The following FRMPD2 variants were observed in gnomAD, a reference collection of about 807,000 sequenced individuals.
FRMPD2 encodes the protein FERM and PDZ domain containing 2.
FRMPD2 carries 96 observed loss-of-function variants against 140.1 expected under a neutral mutation model. That is an observed-to-expected ratio of 0.69 (90% CI 0.58 to 0.81). The LOEUF (loss-of-function observed/expected upper bound fraction) is 0.81, where lower values mean the gene tolerates loss of function less well. FRMPD2 is among the 40% of genes least tolerant of loss of function. FRMPD2 has a pLI of 0.00. For missense variants in FRMPD2, 1,240 were observed against 1,447.4 expected, an observed-to-expected ratio of 0.86 and a Z score of 2.32; for synonymous variants, 449 against 547.6, an observed-to-expected ratio of 0.82 and a Z score of 2.52.
chr10:48,189,595 C>T (rs1359432430), intron 16 of FRMPD2, among the ~76,000 whole-genome samples: 1 of 152,246 alleles, frequency 6.6e-6, no homozygotes. Context: ...CCTGTGAGCT[C>T]ATGAGGTGGG....
intron 12 of FRMPD2, among the ~76,000 whole-genome samples, chr10:48,217,235 C>A (rs376511390): frequency 4.0e-4 from 61 of 152,188 alleles, no homozygotes; most frequent in African/African-American, 1.3e-3. Context: ...AAACTCCCTG[C>A]GCTTCAAGTA....
chr10:48,182,490 T>A (rs781168690), intron 20 of FRMPD2, among the ~76,000 whole-genome samples: 3 of 152,226 alleles, frequency 2.0e-5, no homozygotes, highest in Non-Finnish European at 4.4e-5. Flanking sequence ...CTAGCCCAGC[T>A]GCCTTAACAG....
intron 14 of FRMPD2, among the ~76,000 whole-genome samples, chr10:48,205,756 A>G (rs1423597119): frequency 6.6e-6 from 1 of 152,200 alleles, no homozygotes; most frequent in Non-Finnish European, 1.5e-5. Flanking sequence ...CTCAATTATT[A>G]TTTATTTTTA....
chr10:48,199,277 A>G (rs1212567858), intron 15 of FRMPD2, among the ~76,000 whole-genome samples: 1 of 151,890 alleles, frequency 6.6e-6, no homozygotes, highest in Non-Finnish European at 1.5e-5. Context: ...TTCAGGCAAA[A>G]AAAAAAAAAA....
intron 4 of FRMPD2, among the ~76,000 whole-genome samples, chr10:48,244,107 C>T (rs1840188660): frequency 6.6e-6 from 1 of 152,324 alleles, no homozygotes; most frequent in South Asian, 2.1e-4. Flanking sequence ...GCCTCAGCCT[C>T]CCAAGTAGCT....
At chr10:48,201,498 C>T (rs942556397) in intron 14 of FRMPD2, 114 bp from the exon 15 acceptor site, 54 of 823,434 alleles carry the variant, frequency 6.6e-5, no homozygotes, top group Middle Eastern at 2.7e-4. Context: ...CAGGCATCCA[C>T]GGGTGCATGG....
intron 1 of FRMPD2, among the ~76,000 whole-genome samples, chr10:48,262,002 T>C (rs1235650319): frequency 1.3e-5 from 2 of 152,138 alleles, no homozygotes; most frequent in South Asian, 2.1e-4. Context: ...AATGCTCAAT[T>C]ACAACTAGAG....
rs1462691983 is a variant in FRMPD2 at position 48,232,339 on chromosome 10, C to T, written c.994-50G>A. 3.6e-6 allele frequency: 5 copies of T among 1,393,770 alleles called. No individual in the cohort carries two copies. The African/African-American group carries it at 5.8e-5, about 16-fold the overall frequency. The allele number at this position is 1,393,770 out of a possible 1,614,324, so 86.3% of individuals were successfully genotyped here. A position where few individuals can be genotyped will look rare whatever the true frequency, so the allele number is the denominator to read the frequency against. ...ATACTACAATTATAAGTCATTGAGC[C>T]TTTAGTGTGTGCTGGTTACTGTACT... is the stretch of plus-strand genomic sequence containing the variant. On this transcript the variant is annotated intron_variant, in intron 9 of 28. Transcript: ENST00000374201.
At chr10:48,193,224 G>A (rs930654194) in intron 15 of FRMPD2, among the ~76,000 whole-genome samples, 11 of 152,302 alleles carry the variant, frequency 7.2e-5, no homozygotes, top group South Asian at 4.1e-4. Flanking sequence ...AGCCTCCTGC[G>A]AAATCAGCTG....
At chr10:48,267,651 A>G (rs1472750965) in intron 1 of FRMPD2, among the ~76,000 whole-genome samples, 4 of 152,222 alleles carry the variant, frequency 2.6e-5, no homozygotes, top group African/African-American at 9.6e-5. Flanking sequence ...CAATTTCAAA[A>G]TGGGCAAAGG....
intron 15 of FRMPD2, among the ~76,000 whole-genome samples, chr10:48,200,251 T>C (rs1839054616): frequency 1.3e-5 from 2 of 151,316 alleles, no homozygotes; most frequent in Non-Finnish European, 3.0e-5. Context: ...GTACTCTGAG[T>C]TCCTTGAAGA....
rs370931431 is a variant in FRMPD2, at chr10:48,192,938, T to A, written c.1955-44A>T. On this transcript the variant is annotated intron_variant, in intron 15 of 28. Transcript: ENST00000374201. ...ACATAGACATACACACACACAAGAATGATGCTGGATCCATTGCTCTGGTGG... is the reference window on the plus strand; with the variant it reads ...ACATAGACATACACACACACAAGAAAGATGCTGGATCCATTGCTCTGGTGG... 2.3e-5 allele frequency: 32 copies of A among 1,409,814 alleles called. No individual in the cohort carries two copies. The African/African-American group carries it at 4.2e-4, about 19-fold the overall frequency. 87.3% of individuals were successfully genotyped at this position (1,409,814 alleles called of 1,614,324 possible). A position where few individuals can be genotyped will look rare whatever the true frequency, so the allele number is the denominator to read the frequency against.
At chr10:48,174,591 G>C (rs1326314871) in intron 24 of FRMPD2, among the ~76,000 whole-genome samples, 1 of 151,336 alleles carries the variant, frequency 6.6e-6, no homozygotes, top group African/African-American at 2.4e-5. Context: ...CCATTCCGCT[G>C]TCTGATTCCA....
chr10:48,217,605 A>G (rs573878258), intron 12 of FRMPD2, among the ~76,000 whole-genome samples: 2 of 152,364 alleles, frequency 1.3e-5, no homozygotes, highest in South Asian at 4.1e-4. Context: ...TTGCATATAG[A>G]AAGGATGCTC....
At chr10:48,220,307 T>C (rs1295462541) in intron 12 of FRMPD2, among the ~76,000 whole-genome samples, 1 of 152,110 alleles carries the variant, frequency 6.6e-6, no homozygotes, top group African/African-American at 2.4e-5. Flanking sequence ...AATTGATTTT[T>C]GACAAAGCAA....
chr10:48,159,301 G>C, intron 28 of FRMPD2: 1 of 453,858 alleles, frequency 2.2e-6, no homozygotes, highest in Non-Finnish European at 4.4e-6. Context: ...TGATAAATCT[G>C]AGCTGAAGTA....
intron 1 of FRMPD2, among the ~76,000 whole-genome samples, chr10:48,268,207 G>GA (rs535409273): frequency 6.6e-5 from 10 of 150,620 alleles, no homozygotes; most frequent in East Asian, 5.8e-4. Flanking sequence ...TATATGACAG[G>GA]AAAAAAAAAT....
At position 48,166,482 on chromosome 10, in the gene FRMPD2, C is replaced by A. The variant is rs184195377; in HGVS notation, c.3537+2113G>T. On this transcript the variant is annotated intron_variant, in intron 27 of 28. Transcript: ENST00000374201. ...TTTCCTGCTTAACCCTCCGTGCCAGCCCAGTGGCTTCCCACTGCATGCAGG... is the reference window on the plus strand; with the variant it reads ...TTTCCTGCTTAACCCTCCGTGCCAGACCAGTGGCTTCCCACTGCATGCAGG... Among the ~76,000 whole-genome samples, 124 of 107,228 alleles carry A rather than the reference C, an allele frequency of 1.2e-3. 19 individuals are homozygous for A. Among genetic ancestry groups the A allele is most frequent in the African/African-American group, 4.5e-3 (121 of 26,910 alleles). 70.3% of individuals were successfully genotyped at this position (107,228 alleles called of 152,430 possible). A position where few individuals can be genotyped will look rare whatever the true frequency, so the allele number is the denominator to read the frequency against.
At chr10:48,206,608 T>C in intron 14 of FRMPD2, 140 bp downstream of exon 14, 1 of 674,478 alleles carries the variant, frequency 1.5e-6, no homozygotes, top group African/African-American at 1.8e-5. Context: ...TGCATCAGAA[T>C]GCAGGTTAAC....
Sources: allele counts gnomAD v4.1 joint callset (sites outside exome capture counted in the v4.1 genomes callset), GRCh38; gene constraint gnomAD v4.1.1; transcripts MANE v1.5; gene names NCBI Gene and HGNC (gene_info 2026-07-23, HGNC 2026-07-21).